The following PCBP3 variants were observed in gnomAD, a reference collection of about 807,000 sequenced individuals.
PCBP3 encodes the protein poly(rC) binding protein 3, also known as poly(rC)-binding protein 3.
Under a neutral mutation model 52.7 loss-of-function variants are expected in PCBP3, and 25 were observed. The ratio of observed to expected loss-of-function variants is 0.47; its 90% CI spans 0.35 to 0.66. The LOEUF is 0.66. PCBP3 is among the 30% of genes least tolerant of loss of function. PCBP3 has a pLI of 0.01. For missense variants in PCBP3, 391 were observed against 490.3 expected (o/e 0.80, Z 1.91); for synonymous variants, 162 against 183.0 (o/e 0.89, Z 0.93).
intron 5 of PCBP3, among the ~76,000 whole-genome samples, chr21:45,886,810 C>T (rs1464136791): frequency 6.6e-6 from 1 of 152,194 alleles, no homozygotes; most frequent in Non-Finnish European, 1.5e-5. Flanking sequence ...GGACTCACCA[C>T]CTGTGGAGAT....
chr21:45,743,473 T>A lies in PCBP3; in HGVS notation c.-162+8044T>A, dbSNP rs2086598721. 2.0e-5 allele frequency among the ~76,000 whole-genome samples: 3 copies of A among 152,174 alleles called. No homozygotes were observed. The South Asian group carries it at 6.2e-4, about 32-fold the overall frequency. On this transcript the variant is annotated intron_variant, in intron 3 of 17. Coordinates refer to ENST00000681687, the MANE Select transcript of PCBP3 (RefSeq NM_001384156.1). ...AATGTGTTCATTGCTACTATTTAGG[T>A]GGTTGTATGATTCCTGCTTTTGTCT... is the stretch of plus-strand genomic sequence containing the variant.
chr21:45,937,179 G>T (rs1261651878), intron 16 of PCBP3, among the ~76,000 whole-genome samples: 1 of 152,222 alleles, frequency 6.6e-6, no homozygotes, highest in East Asian at 1.9e-4. Flanking sequence ...GTCACAGTTG[G>T]ATCATGCTGC....
In PCBP3 at chr21:45,737,363, A is replaced by G. The variant is rs1004551135; in HGVS notation, c.-162+1934A>G. 2.6e-5 allele frequency among the ~76,000 whole-genome samples: 4 copies of G among 152,168 alleles called. No individual in the cohort carries two copies. Among genetic ancestry groups the G allele is most frequent in the Admixed American group, 2.6e-4 (4 of 15,282 alleles). ...CTGTTGCCTTGGGGCCAACTTTGTA[A>G]TCTTACAAATCTGGATCTAATTTTC... On this transcript the variant is annotated intron_variant, in intron 3 of 17. Coordinates refer to ENST00000681687, the MANE Select transcript of PCBP3 (RefSeq NM_001384156.1). This position sits in a 1 kb window ranked among gnomAD's most constrained non-coding sequence, Gnocchi z 4.9.
At chr21:45,878,102 T>A (rs543497298) in intron 5 of PCBP3, among the ~76,000 whole-genome samples, 1 of 152,354 alleles carries the variant, frequency 6.6e-6, no homozygotes, top group African/African-American at 2.4e-5. Context: ...TGGCATTTGC[T>A]CCACCTTCCA....
At chr21:45,646,373 A>T (rs150925643) in intron 1 of PCBP3, among the ~76,000 whole-genome samples, 1 of 152,186 alleles carries the variant, frequency 6.6e-6, no homozygotes, top group South Asian at 2.1e-4. Context: ...TTGCTTGAGT[A>T]TGGGCATCAA....
chr21:45,650,918 G>A (rs1237394216), intron 1 of PCBP3, among the ~76,000 whole-genome samples: 1 of 152,120 alleles, frequency 6.6e-6, no homozygotes, highest in Non-Finnish European at 1.5e-5. Context: ...TTTCAGATGG[G>A]GCGGGGTGGT....
intron 13 of PCBP3, among the ~76,000 whole-genome samples, chr21:45,927,756 T>C (rs954922788): frequency 2.0e-5 from 3 of 152,156 alleles, no homozygotes; most frequent in African/African-American, 7.2e-5. Context: ...CAGCTGCTGC[T>C]CACTCACATC....
intron 2 of PCBP3, among the ~76,000 whole-genome samples, chr21:45,702,249 T>A (rs946719883): frequency 1.3e-5 from 2 of 152,242 alleles, no homozygotes; most frequent in African/African-American, 2.4e-5. Flanking sequence ...ACAAATATTT[T>A]ACTATGCATG....
intron 2 of PCBP3, among the ~76,000 whole-genome samples, chr21:45,677,378 T>C (rs373702336): frequency 6.6e-6 from 1 of 152,140 alleles, no homozygotes; most frequent in South Asian, 2.1e-4. Flanking sequence ...GAGGCTGAAA[T>C]AGATGAGGAA....
intron 5 of PCBP3, among the ~76,000 whole-genome samples, chr21:45,895,047 A>G (rs1408913493): frequency 6.6e-6 from 1 of 152,210 alleles, no homozygotes; most frequent in South Asian, 2.1e-4. Flanking sequence ...GCGCGGGTGT[A>G]GACAGCGTGT....
chr21:45,831,202 C>G (rs1407346832), intron 4 of PCBP3: 1 of 152,290 alleles, frequency 6.6e-6, no homozygotes, highest in African/African-American at 2.4e-5. Context: ...TAGCTCCAGG[C>G]AGATCCTCCG....
At chr21:45,906,579 C>G (rs1170324556) in intron 9 of PCBP3, among the ~76,000 whole-genome samples, 1 of 152,104 alleles carries the variant, frequency 6.6e-6, no homozygotes, top group Non-Finnish European at 1.5e-5. Context: ...GAGGCTCTGC[C>G]CCGGTCATTT....
chr21:45,841,301 T>C (rs939755158), intron 4 of PCBP3, among the ~76,000 whole-genome samples: 1 of 152,222 alleles, frequency 6.6e-6, no homozygotes, highest in South Asian at 2.1e-4. Flanking sequence ...CTCCTGAACC[T>C]TTTTTACCTC....
At chr21:45,672,269 A>G (rs994645463) in intron 2 of PCBP3, among the ~76,000 whole-genome samples, 1 of 152,128 alleles carries the variant, frequency 6.6e-6, no homozygotes, top group Non-Finnish European at 1.5e-5. Flanking sequence ...CCTTGACCTT[A>G]GACTTCTCAG....
intron 2 of PCBP3, among the ~76,000 whole-genome samples, chr21:45,708,719 G>T (rs566656520): frequency 6.6e-6 from 1 of 152,336 alleles, no homozygotes; most frequent in African/African-American, 2.4e-5. Flanking sequence ...TACTTTTAGG[G>T]AATTAATGTC....
At chr21:45,877,431 T>TA (rs899237266) in intron 5 of PCBP3, among the ~76,000 whole-genome samples, 3 of 152,150 alleles carry the variant, frequency 2.0e-5, no homozygotes, top group Admixed American at 6.6e-5. Flanking sequence ...AATATTTTTT[T>TA]AAAAAAAGAG....
chr21:45,818,883 G>C (rs963089858), intron 4 of PCBP3, among the ~76,000 whole-genome samples: 2 of 152,216 alleles, frequency 1.3e-5, no homozygotes, highest in African/African-American at 4.8e-5. Context: ...TTGAATGCGT[G>C]TTACTTAGTG....
chr21:45,807,502 G>A (rs1278368953), intron 4 of PCBP3, among the ~76,000 whole-genome samples: 1 of 152,132 alleles, frequency 6.6e-6, no homozygotes, highest in Non-Finnish European at 1.5e-5. Context: ...TCTTCAAGGA[G>A]AACTACAAAC....
At chr21:45,772,232 T>G (rs1021054268) in intron 4 of PCBP3, among the ~76,000 whole-genome samples, 1 of 152,186 alleles carries the variant, frequency 6.6e-6, no homozygotes, top group Non-Finnish European at 1.5e-5. Context: ...TCACCCTTCC[T>G]AGTCTCTAGT....
Sources: gnomAD v4.1 joint callset for allele counts (sites outside exome capture counted in the v4.1 genomes callset) on GRCh38, gnomAD v4.1.1 for gene constraint, Gnocchi (gnomAD v3.1) non-coding constraint, MANE v1.5 for transcripts, NCBI Gene and HGNC (gene_info 2026-07-23, HGNC 2026-07-21) for gene names.